AK7: variants seen among roughly 807,000 people sequenced by gnomAD.
The protein encoded by AK7 is ATP-AMP transphosphorylase 7.
AK7 carries 78 observed loss-of-function variants against 96.6 expected under a neutral mutation model. That is an observed-to-expected ratio of 0.81 (90% CI 0.67 to 0.97). The LOEUF is 0.97. AK7 is among the 50% of genes least tolerant of loss of function. The pLI is 0.00. For synonymous variants in AK7, 302 were observed against 317.2 expected, an observed-to-expected ratio of 0.95 and a Z score of 0.51; for missense variants, 855 against 887.9, an observed-to-expected ratio of 0.96 and a Z score of 0.47.
At chr14:96,423,102 A>G (rs1891806643) in intron 5 of AK7, among the ~76,000 whole-genome samples, 1 of 152,236 alleles carries the variant, frequency 6.6e-6, no homozygotes, top group Non-Finnish European at 1.5e-5. Context: ...CTACAGGGCC[A>G]TGCCCCAACA....
At chr14:96,472,456 T>C (rs1423069804) in intron 13 of AK7, among the ~76,000 whole-genome samples, 2 of 152,242 alleles carry the variant, frequency 1.3e-5, no homozygotes, top group African/African-American at 4.8e-5. Context: ...TGCCCAGCCA[T>C]TTCCTTCTTT....
chr14:96,464,544 C>CAAAAA (rs375649324), intron 12 of AK7, among the ~76,000 whole-genome samples: 14 of 57,662 alleles, frequency 2.4e-4, no homozygotes, highest in East Asian at 6.3e-4. Flanking sequence ...GACCCTGTCC[C>CAAAAA]AAAAAAAAAA....
At chr14:96,397,247 A>G (rs1455044819) in intron 1 of AK7, among the ~76,000 whole-genome samples, 1 of 152,194 alleles carries the variant, frequency 6.6e-6, no homozygotes, top group African/African-American at 2.4e-5. Flanking sequence ...TAAATACCAC[A>G]GCATTTAATT....
chr14:96,457,519 C>T (rs909360435), intron 11 of AK7, among the ~76,000 whole-genome samples: 2 of 152,182 alleles, frequency 1.3e-5, no homozygotes, highest in African/African-American at 2.4e-5. Context: ...AAACACAACA[C>T]TCTACAGGGC....
chr14:96,392,382 G>A (rs1285389730), intron 1 of AK7, 123 bp downstream of exon 1: 16 of 794,786 alleles, frequency 2.0e-5, no homozygotes, highest in East Asian at 2.7e-5. Context: ...CCTCAGGGAG[G>A]GTCCCGCGTC....
intron 12 of AK7, among the ~76,000 whole-genome samples, chr14:96,470,458 T>C (rs1237995960): frequency 6.6e-6 from 1 of 152,168 alleles, no homozygotes; most frequent in East Asian, 1.9e-4. Flanking sequence ...AGCTGTTCAA[T>C]AATTATGATG....
intron 1 of AK7, among the ~76,000 whole-genome samples, chr14:96,393,965 C>G (rs377723092): frequency 2.0e-5 from 3 of 151,996 alleles, no homozygotes; most frequent in African/African-American, 7.3e-5. Context: ...AAAAATTAAC[C>G]GGGCGTGGTG....
At chr14:96,468,296 CTTTTTT>C (rs67009492) in intron 12 of AK7, among the ~76,000 whole-genome samples, 1 of 98,560 alleles carries the variant, frequency 1.0e-5, no homozygotes, top group African/African-American at 3.8e-5. Flanking sequence ...GCACTCTTTC[CTTTTTT>C]TTTTTTTTTT....
intron 14 of AK7, among the ~76,000 whole-genome samples, chr14:96,475,120 T>C (rs1241761310): frequency 1.3e-5 from 2 of 152,248 alleles, no homozygotes; most frequent in Non-Finnish European, 2.9e-5. Context: ...TTGGACACAG[T>C]GCAAACACGT....
At chr14:96,471,333 TAAA>T (rs35566282) in intron 12 of AK7, 142 bp from the exon 13 acceptor site, 1,564 of 185,202 alleles carry the variant, frequency 8.4e-3, no homozygotes, top group South Asian at 0.015. Flanking sequence ...CCCGTCTCTT[TAAA>T]AAAAAAAAAA....
Position 96,483,150 on chromosome 14 carries a change from T to G in AK7, c.1905T>G (p.Ala635=), listed in dbSNP as rs780237289. 28 of 1,613,712 alleles carry G rather than the reference T, an allele frequency of 1.7e-5. No homozygotes were observed. Among genetic ancestry groups the G allele is most frequent in the Non-Finnish European group, 2.2e-5 (26 of 1,179,938 alleles). The stretch of plus-strand genomic sequence containing the variant: ...AGGAGCGGCTGGCCAGGGAGGCTGC[T>G]GAGGAAGCAGAACGCGAGCACCAGG... ...AAEERLAREA[A]EEAEREHQEA... is the part of the protein sequence containing the mutation. Residue 635 remains alanine, a synonymous_variant, in exon 16 of 18, where the codon GCT becomes GCG. Coordinates refer to ENST00000267584, the MANE Select transcript of AK7 (RefSeq NM_152327.5).
intron 17 of AK7, 93 bp downstream of exon 17, chr14:96,487,149 G>A: frequency 7.5e-7 from 1 of 1,332,166 alleles, no homozygotes; most frequent in Non-Finnish European, 1.0e-6. Flanking sequence ...CCAAGGTCAG[G>A]GGATCACTTG....
chr14:96,486,835 C>A, intron 16 of AK7, 63 bp from the exon 17 acceptor site: 1 of 1,483,506 alleles, frequency 6.7e-7, no homozygotes, highest in Non-Finnish European at 9.4e-7. Context: ...GTAGGGTGAA[C>A]TGTGTGAGTG....
At chr14:96,457,863 C>T (rs1566797666) in intron 11 of AK7, among the ~76,000 whole-genome samples, 1 of 152,102 alleles carries the variant, frequency 6.6e-6, no homozygotes, top group African/African-American at 2.4e-5. Context: ...GGCATTAGCA[C>T]AAAAATATAC....
chr14:96,415,893 C>A (rs1008873994), intron 4 of AK7, among the ~76,000 whole-genome samples: 5 of 151,458 alleles, frequency 3.3e-5, no homozygotes, highest in African/African-American at 4.9e-5. Flanking sequence ...TCCCTTAGAA[C>A]CTGTTTGTTT....
At chr14:96,473,555 G>A (rs1477312716) in intron 14 of AK7, among the ~76,000 whole-genome samples, 2 of 151,286 alleles carry the variant, frequency 1.3e-5, no homozygotes, top group African/African-American at 4.9e-5. Flanking sequence ...TGTGCCAAAA[G>A]AATCTTTTTG....
intron 4 of AK7, among the ~76,000 whole-genome samples, chr14:96,417,585 T>C (rs1223465752): frequency 2.6e-5 from 4 of 152,238 alleles, no homozygotes; most frequent in Non-Finnish European, 5.9e-5. Flanking sequence ...AACTCATTGG[T>C]AAATTCTGTT....
intron 13 of AK7, among the ~76,000 whole-genome samples, chr14:96,471,900 T>C (rs534853614): frequency 5.9e-5 from 9 of 152,198 alleles, no homozygotes; most frequent in Non-Finnish European, 2.9e-5. Flanking sequence ...TGCGATACAT[T>C]ATCGTTGGCT....
chr14:96,485,009 T>G (rs1895695497), intron 16 of AK7, among the ~76,000 whole-genome samples: 1 of 152,184 alleles, frequency 6.6e-6, no homozygotes, highest in South Asian at 2.1e-4. Flanking sequence ...TTAACATAAA[T>G]TCCTAAAGTT....
Sources: gnomAD v4.1 joint callset for allele counts (sites outside exome capture counted in the v4.1 genomes callset) on GRCh38, gnomAD v4.1.1 for gene constraint, MANE v1.5 for transcripts, NCBI Gene and HGNC (gene_info 2026-07-23, HGNC 2026-07-21) for gene names.